GRK5: variants seen among roughly 807,000 people sequenced by gnomAD.
GRK5 encodes g protein-coupled receptor kinase GRK5.
A neutral mutation model predicts 78.4 loss-of-function variants in GRK5; 40 were observed. That is an observed-to-expected ratio of 0.51 (90% CI 0.40 to 0.66). GRK5 has a LOEUF of 0.66. Among genes scored for constraint, GRK5 ranks in the 30% least tolerant of loss-of-function variants. GRK5 has a pLI of 0.00. For missense variants in GRK5, 598 were observed against 759.9 expected (o/e 0.79, Z 2.50); for synonymous variants, 289 against 296.8 (o/e 0.97, Z 0.27).
intron 5 of GRK5, among the ~76,000 whole-genome samples, chr10:119,423,923 A>G (rs895850967): frequency 1.3e-4 from 20 of 152,186 alleles, no homozygotes; most frequent in African/African-American, 3.9e-4. Context: ...ACAGACATCA[A>G]TTGAGTACCT....
At chr10:119,440,220 G>C (rs1369857467) in intron 10 of GRK5, among the ~76,000 whole-genome samples, 3 of 152,216 alleles carry the variant, frequency 2.0e-5, no homozygotes, top group Admixed American at 2.0e-4. Context: ...ATGACAGCTT[G>C]AGAGGGAATT....
Position 119,455,297 on chromosome 10 carries a change from T to A in GRK5, c.*230T>A, listed in dbSNP as rs779868173. The A allele has an allele frequency of 4.3e-6, 3 of 691,984 alleles. No homozygotes were observed. The highest frequency in any genetic ancestry group is 7.9e-6 in the Non-Finnish European group (3 of 378,702). The allele number at this position is 691,984 out of a possible 1,614,324, so 42.9% of individuals were successfully genotyped here. Reference sequence around the variant, plus strand: ...CGGGGTGGATTGGATTTGTCTTTGGTGAACATTGCAATAGAAATCCAATTG... The same window carrying A: ...CGGGGTGGATTGGATTTGTCTTTGGAGAACATTGCAATAGAAATCCAATTG... On this transcript the variant is annotated 3_prime_UTR_variant, in exon 16 of 16. Coordinates refer to ENST00000392870, the MANE Select transcript of GRK5 (RefSeq NM_005308.3).
chr10:119,234,941 C>T (rs1300779764), intron 1 of GRK5, among the ~76,000 whole-genome samples: 2 of 152,010 alleles, frequency 1.3e-5, no homozygotes, highest in African/African-American at 2.4e-5. Context: ...TCCCAAAGTG[C>T]TGAGATTACA....
At chr10:119,438,623 C>T (rs1170261961) in intron 9 of GRK5, among the ~76,000 whole-genome samples, 1 of 152,108 alleles carries the variant, frequency 6.6e-6, no homozygotes, top group East Asian at 2.0e-4. Flanking sequence ...CCTCCAAGTT[C>T]CAGCTCGTCT....
intron 1 of GRK5, among the ~76,000 whole-genome samples, chr10:119,325,985 G>T (rs1156300786): frequency 6.6e-6 from 1 of 152,214 alleles, no homozygotes; most frequent in Non-Finnish European, 1.5e-5. Flanking sequence ...AGACTCTGGG[G>T]TTTGTGAGGA....
Position 119,253,841 on chromosome 10 carries a change from C to T in GRK5, c.52+45872C>T, listed in dbSNP as rs1271673647. 4.6e-5 allele frequency among the ~76,000 whole-genome samples: 4 copies of T among 86,986 alleles called. No homozygotes were observed. Among genetic ancestry groups the T allele is most frequent in the Non-Finnish European group, 9.5e-5 (4 of 42,268 alleles). 57.1% of individuals were successfully genotyped at this position (86,986 alleles called of 152,430 possible). A position where few individuals can be genotyped will look rare whatever the true frequency, so the allele number is the denominator to read the frequency against. On this transcript the variant is annotated intron_variant, in intron 1 of 15. Transcript: ENST00000392870. The surrounding 1 kb of genome is among the most constrained non-coding windows in gnomAD (Gnocchi z 5.7). The stretch of plus-strand genomic sequence containing the variant: ...GTTTGGGTTCCTGGTGGTTCTTTGC[C>T]CCAGGGGTGTGTGTGTGTGTGTGTG...
intron 1 of GRK5, among the ~76,000 whole-genome samples, chr10:119,227,016 A>T (rs1229014284): frequency 6.6e-6 from 1 of 152,076 alleles, no homozygotes; most frequent in Non-Finnish European, 1.5e-5. Flanking sequence ...CCGCCAGCAC[A>T]TCTGACTAAT....
At chr10:119,232,936 C>T (rs973644895) in intron 1 of GRK5, among the ~76,000 whole-genome samples, 1 of 152,180 alleles carries the variant, frequency 6.6e-6, no homozygotes, top group African/African-American at 2.4e-5. Context: ...CACCATGTAC[C>T]CCATAAATAC....
At chr10:119,213,436 G>A (rs190345520) in intron 1 of GRK5, among the ~76,000 whole-genome samples, 225 of 152,244 alleles carry the variant, frequency 1.5e-3, no homozygotes, top group African/African-American at 5.2e-3. Flanking sequence ...ACTTGAACCT[G>A]GGAGGTGGAG....
intron 1 of GRK5, among the ~76,000 whole-genome samples, chr10:119,307,903 C>G (rs1426917628): frequency 6.6e-6 from 1 of 152,160 alleles, no homozygotes; most frequent in Non-Finnish European, 1.5e-5. Context: ...TAAAGCCCCA[C>G]TGCCTTGCCC....
At chr10:119,223,338 C>G (rs1037079436) in intron 1 of GRK5, among the ~76,000 whole-genome samples, 4 of 152,140 alleles carry the variant, frequency 2.6e-5, no homozygotes, top group African/African-American at 9.7e-5. Flanking sequence ...TTCTGAGGTA[C>G]CGGGGGTTAG....
At chr10:119,365,674 C>T (rs932082467) in intron 2 of GRK5, among the ~76,000 whole-genome samples, 3 of 152,190 alleles carry the variant, frequency 2.0e-5, no homozygotes, top group South Asian at 4.1e-4. Context: ...TTCCCCTACC[C>T]GGCCTCAGTT....
intron 1 of GRK5, among the ~76,000 whole-genome samples, chr10:119,256,938 T>C (rs1849295981): frequency 1.3e-5 from 2 of 152,246 alleles, no homozygotes; most frequent in South Asian, 2.1e-4. Context: ...GGGTTGTCTC[T>C]GGATTTATCT....
rs915493943 is a variant in GRK5 at position 119,271,676 on chromosome 10, G to A, written c.53-54840G>A. ...TTGGCAATGGAAGAGGGGAACGTGG[G>A]GCCTTTGACTCGTCAGGGAAAAACA... is the stretch of plus-strand genomic sequence containing the variant. On this transcript the variant is annotated intron_variant, in intron 1 of 15. Transcript: ENST00000392870. The surrounding 1 kb of genome is among the most constrained non-coding windows in gnomAD (Gnocchi z 4.1). Among the ~76,000 whole-genome samples the A allele has an allele frequency of 1.3e-5, 2 of 152,262 alleles. No homozygotes were observed. Among genetic ancestry groups the A allele is most frequent in the Middle Eastern group, 3.4e-3 (1 of 294 alleles).
chr10:119,304,420 T>C (rs2133726660), intron 1 of GRK5, among the ~76,000 whole-genome samples: 1 of 151,472 alleles, frequency 6.6e-6, no homozygotes, highest in African/African-American at 2.4e-5. Context: ...GCCTCCTGAG[T>C]AGCTGGGATT....
chr10:119,250,341 C>T (rs1480236156), intron 1 of GRK5, among the ~76,000 whole-genome samples: 1 of 152,012 alleles, frequency 6.6e-6, no homozygotes, highest in African/African-American at 2.4e-5. Context: ...TGCCATTCTC[C>T]CTAATTCCAG....
At chr10:119,432,938 G>A (rs897946386) in intron 8 of GRK5, among the ~76,000 whole-genome samples, 25 of 152,306 alleles carry the variant, frequency 1.6e-4, no homozygotes, top group Middle Eastern at 3.4e-3. Context: ...GGGCATGGTG[G>A]TGGGCGCCTG....
chr10:119,388,005 C>T (rs191554283), intron 3 of GRK5, among the ~76,000 whole-genome samples: 5 of 151,862 alleles, frequency 3.3e-5, no homozygotes, highest in East Asian at 1.9e-4. Flanking sequence ...GGCTGGAGTG[C>T]GGTGGTATGA....
intron 1 of GRK5, among the ~76,000 whole-genome samples, chr10:119,212,017 G>A (rs932281242): frequency 4.6e-5 from 7 of 152,156 alleles, no homozygotes; most frequent in African/African-American, 7.2e-5. Context: ...GGAGGCATAC[G>A]TACTCCACCC....
Sources: allele counts gnomAD v4.1 joint callset (sites outside exome capture counted in the v4.1 genomes callset), GRCh38; gene constraint gnomAD v4.1.1; non-coding constraint Gnocchi (gnomAD v3.1); transcripts MANE v1.5; gene names NCBI Gene and HGNC (gene_info 2026-07-23, HGNC 2026-07-21).